Variants in ZSCAN5A observed in about 807,000 individuals in gnomAD.
ZSCAN5A encodes the protein zinc finger and SCAN domain-containing protein 5A.
A neutral mutation model predicts 23.7 loss-of-function variants in ZSCAN5A; 12 were observed. That is an observed-to-expected ratio of 0.51 (90% CI 0.32 to 0.82). The LOEUF is 0.82. Ranked by LOEUF, ZSCAN5A falls within the 40% of genes least tolerant of loss-of-function variation. The pLI, the probability that ZSCAN5A is intolerant of heterozygous loss-of-function variation, is 0.03. For synonymous variants in ZSCAN5A, 257 were observed against 239.9 expected (o/e 1.07, Z -0.66); for missense variants, 597 against 617.9 (o/e 0.97, Z 0.36).
chr19:56,225,177 G>C lies in ZSCAN5A; in HGVS notation c.-127-4C>G, dbSNP rs1451490296. ...GATTCACTGTTCATTCAGAAGTCTG[G>C]GGGGGAAAAGTATGAGCCTCATTAG... On this transcript the variant is annotated splice_region_variant and splice_polypyrimidine_tract_variant and intron_variant, in intron 2 of 5. Coordinates refer to ENST00000683990, the MANE Select transcript of ZSCAN5A (RefSeq NM_001322064.3). The C allele has an allele frequency of 1.2e-5, 17 of 1,375,704 alleles. No individual in the cohort carries two copies. In the Admixed American group the frequency reaches 2.6e-4, roughly 21 times the overall value. The allele number at this position is 1,375,704 out of a possible 1,614,324, so 85.2% of individuals were successfully genotyped here.
intron 2 of ZSCAN5A, among the ~76,000 whole-genome samples, chr19:56,248,976 C>A (rs1040562557): frequency 2.6e-5 from 4 of 152,138 alleles, no homozygotes; most frequent in African/African-American, 7.2e-5. Flanking sequence ...TCATGAGTAT[C>A]CACCACTGGA....
chr19:56,286,432 C>G (rs2039130074), intron 2 of ZSCAN5A: 1 of 152,094 alleles, frequency 6.6e-6, no homozygotes, highest in Non-Finnish European at 1.5e-5. Flanking sequence ...ACCGCCAGAA[C>G]CCCCACACCT....
chr19:56,288,838 C>T (rs918069649), intron 2 of ZSCAN5A, among the ~76,000 whole-genome samples: 5 of 152,156 alleles, frequency 3.3e-5, no homozygotes, highest in African/African-American at 7.2e-5. Flanking sequence ...TCTGCCCCTC[C>T]GTTGCAACCT....
chr19:56,268,164 A>G (rs761045456), intron 2 of ZSCAN5A, among the ~76,000 whole-genome samples: 5 of 152,180 alleles, frequency 3.3e-5, no homozygotes, highest in Non-Finnish European at 5.9e-5. Context: ...AGCCCAGGAC[A>G]TGGGTTGTCT....
chr19:56,289,567 T>G (rs1487753415), intron 2 of ZSCAN5A, among the ~76,000 whole-genome samples: 2 of 152,156 alleles, frequency 1.3e-5, no homozygotes, highest in Admixed American at 1.3e-4. Context: ...GTATGGCACA[T>G]AGTTGGACCA....
chr19:56,358,182 G>A (rs970087774), intron 2 of ZSCAN5A, among the ~76,000 whole-genome samples: 2 of 148,780 alleles, frequency 1.3e-5, no homozygotes, highest in South Asian at 2.1e-4. Context: ...CTGCAGTGGT[G>A]CGATCTCAGC....
At chr19:56,263,783 C>T (rs1320344269) in intron 2 of ZSCAN5A, 3 of 151,812 alleles carry the variant, frequency 2.0e-5, no homozygotes, top group Non-Finnish European at 4.4e-5. Context: ...TTCATAAGAA[C>T]CTCTGAGATG....
intron 2 of ZSCAN5A, chr19:56,342,652 G>T: frequency 1.9e-6 from 1 of 526,158 alleles, no homozygotes; most frequent in South Asian, 2.3e-5. Flanking sequence ...AAGGGATCTT[G>T]ACCTCCTGCC....
At chr19:56,243,034 C>T (rs943582355) in intron 2 of ZSCAN5A, among the ~76,000 whole-genome samples, 1 of 152,182 alleles carries the variant, frequency 6.6e-6, no homozygotes, top group Non-Finnish European at 1.5e-5. Flanking sequence ...CCGTCTTGGC[C>T]TCCCAAAGTG....
At chr19:56,284,537 GAC>G (rs1162739657) in intron 2 of ZSCAN5A, among the ~76,000 whole-genome samples, 1 of 59,482 alleles carries the variant, frequency 1.7e-5, no homozygotes, top group Non-Finnish European at 5.2e-5. Context: ...TTTTTTTTGA[GAC>G]AGTCTTGCTC....
At chr19:56,278,932 T>C (rs1600165579) in intron 2 of ZSCAN5A, among the ~76,000 whole-genome samples, 1 of 152,316 alleles carries the variant, frequency 6.6e-6, no homozygotes, top group Admixed American at 6.5e-5. Context: ...AACTGGATGG[T>C]GCTCACCCAC....
At chr19:56,336,972 G>A (rs1482087606) in intron 2 of ZSCAN5A, among the ~76,000 whole-genome samples, 1 of 152,178 alleles carries the variant, frequency 6.6e-6, no homozygotes, top group Non-Finnish European at 1.5e-5. Context: ...ACCCAGCCGT[G>A]TGAGGTGTCA....
intron 2 of ZSCAN5A, among the ~76,000 whole-genome samples, chr19:56,261,642 A>C (rs2037137778): frequency 6.6e-6 from 1 of 152,180 alleles, no homozygotes; most frequent in Non-Finnish European, 1.5e-5. Flanking sequence ...ACAGAGAGAG[A>C]GAATCAAAAT....
At chr19:56,342,970 T>G in intron 2 of ZSCAN5A, 1 of 913,484 alleles carries the variant, frequency 1.1e-6, no homozygotes, top group South Asian at 1.3e-5. Context: ...TTTTCAAAAA[T>G]ACTTCACTTC....
chr19:56,278,101 A>T (rs76204740), intron 2 of ZSCAN5A, among the ~76,000 whole-genome samples: 8 of 144,858 alleles, frequency 5.5e-5, no homozygotes, highest in Non-Finnish European at 9.0e-5. Flanking sequence ...ACAATGTGCT[A>T]TTTTTTTTTT....
intron 2 of ZSCAN5A, among the ~76,000 whole-genome samples, chr19:56,227,146 T>G (rs2034029509): frequency 6.6e-6 from 1 of 152,138 alleles, no homozygotes; most frequent in Non-Finnish European, 1.5e-5. Flanking sequence ...ACTTGGAAAC[T>G]GCTTAAAAAA....
chr19:56,281,556 C>A, intron 2 of ZSCAN5A: 2 of 294,796 alleles, frequency 6.8e-6, no homozygotes, highest in Non-Finnish European at 1.0e-5. Context: ...TAACAACAGG[C>A]AAATAAATGT....
Position 56,255,593 on chromosome 19 carries a change from G to A in ZSCAN5A, c.-127-30420C>T, listed in dbSNP as rs144558340. 1.7e-3 allele frequency among the ~76,000 whole-genome samples: 263 copies of A among 151,720 alleles called. 1 individual carries two copies. Among genetic ancestry groups the A allele is most frequent in the African/African-American group, 5.8e-3 (242 of 41,390 alleles). ...AAACCCCTCTTGCCTGTGACCCAAC[G>A]TGGTTTTTCCCTTTGGCTTTTTTTT... On this transcript the variant is annotated intron_variant, in intron 2 of 5. Coordinates refer to ENST00000683990, the MANE Select transcript of ZSCAN5A (RefSeq NM_001322064.3).
At chr19:56,328,190 A>G (rs944308288) in intron 2 of ZSCAN5A, among the ~76,000 whole-genome samples, 1 of 152,124 alleles carries the variant, frequency 6.6e-6, no homozygotes, top group Non-Finnish European at 1.5e-5. Context: ...TCATTTTACT[A>G]TGTTTTATAA....
Sources: allele counts gnomAD v4.1 joint callset (sites outside exome capture counted in the v4.1 genomes callset), GRCh38; gene constraint gnomAD v4.1.1; transcripts MANE v1.5; gene names NCBI Gene and HGNC (gene_info 2026-07-23, HGNC 2026-07-21).